Variants in PTPRM observed in about 807,000 individuals in gnomAD.
PTPRM encodes receptor-type tyrosine-protein phosphatase mu.
Under a neutral mutation model 186.7 loss-of-function variants are expected in PTPRM, and 47 were observed. That is an observed-to-expected ratio of 0.25 (90% CI 0.20 to 0.32). The LOEUF is 0.32. PTPRM is among the 10% of genes least tolerant of loss of function. The pLI is 1.00. For missense variants in PTPRM, 1,494 were observed against 1,865.0 expected (o/e 0.80, Z 3.66); for synonymous variants, 668 against 674.9 (o/e 0.99, Z 0.16).
chr18:7,594,453 C>G (rs2037203731), intron 1 of PTPRM, among the ~76,000 whole-genome samples: 1 of 151,802 alleles, frequency 6.6e-6, no homozygotes, highest in Admixed American at 6.6e-5. Flanking sequence ...GCACTCTAGC[C>G]CAGGCGACAG....
intron 3 of PTPRM, among the ~76,000 whole-genome samples, chr18:7,905,063 G>A (rs1009818658): frequency 3.3e-5 from 5 of 151,648 alleles, no homozygotes; most frequent in Admixed American, 6.6e-5. Flanking sequence ...GCACAATCTC[G>A]GCTCACTGCA....
At chr18:8,405,515 G>C (rs1598642420) in intron 32 of PTPRM, among the ~76,000 whole-genome samples, 1 of 152,342 alleles carries the variant, frequency 6.6e-6, no homozygotes, top group Middle Eastern at 3.4e-3. Context: ...CGTCCCCTGA[G>C]CATAGGGACC....
chr18:7,845,359 C>T (rs1213077266), intron 2 of PTPRM, among the ~76,000 whole-genome samples: 1 of 152,140 alleles, frequency 6.6e-6, no homozygotes, highest in African/African-American at 2.4e-5. Flanking sequence ...TCATGAAAAC[C>T]TGACAAATGT....
At chr18:8,401,276 G>C (rs2095870858) in intron 32 of PTPRM, among the ~76,000 whole-genome samples, 2 of 152,200 alleles carry the variant, frequency 1.3e-5, no homozygotes, top group Non-Finnish European at 2.9e-5. Flanking sequence ...TTTGCAGGGG[G>C]CTTTGGTGAA....
intron 14 of PTPRM, among the ~76,000 whole-genome samples, chr18:8,230,987 C>G (rs1462310754): frequency 1.3e-5 from 2 of 152,122 alleles, no homozygotes; most frequent in African/African-American, 4.8e-5. Context: ...CTACTGCAGC[C>G]CTTAATTAAG....
intron 1 of PTPRM, among the ~76,000 whole-genome samples, chr18:7,672,962 A>G (rs1338766854): frequency 3.3e-5 from 5 of 152,180 alleles, no homozygotes; most frequent in African/African-American, 4.8e-5. Context: ...GCTTCCTGAG[A>G]GTGGGAGACT....
At chr18:8,300,822 C>T (rs2095149072) in intron 20 of PTPRM, among the ~76,000 whole-genome samples, 2 of 152,154 alleles carry the variant, frequency 1.3e-5, no homozygotes, top group South Asian at 4.1e-4. Flanking sequence ...TGTCCAGCCT[C>T]CTAATCTTCC....
Position 7,845,486 on chromosome 18 carries a change from G to A in PTPRM, c.197-42620G>A, listed in dbSNP as rs546049270. Among the ~76,000 whole-genome samples the A allele has an allele frequency of 2.6e-5, 4 of 152,204 alleles. No homozygotes were observed. The South Asian group carries it at 6.2e-4, about 24-fold the overall frequency. ...AAAAGCATCTCACTCTTTCATGACC[G>A]CAAAGTTCCTGCAGGATTTTCTTAT... On this transcript the variant is annotated intron_variant, in intron 2 of 32. Coordinates refer to ENST00000580170, the MANE Select transcript of PTPRM (RefSeq NM_001105244.2).
At chr18:8,390,866 T>TG in intron 31 of PTPRM, among the ~76,000 whole-genome samples, 1 of 151,912 alleles carries the variant, frequency 6.6e-6, no homozygotes, top group South Asian at 2.1e-4. Flanking sequence ...AGGCGGAGCT[T>TG]GCAGTGAGTC....
intron 1 of PTPRM, among the ~76,000 whole-genome samples, chr18:7,739,577 A>G (rs1443579819): frequency 2.6e-5 from 4 of 152,190 alleles, no homozygotes; most frequent in Non-Finnish European, 4.4e-5. Context: ...TTGCTTTCCC[A>G]TTCTTCAACT....
chr18:7,927,376 T>C (rs1474979714), intron 5 of PTPRM, among the ~76,000 whole-genome samples: 3 of 152,182 alleles, frequency 2.0e-5, no homozygotes, highest in Non-Finnish European at 4.4e-5. Flanking sequence ...GTTGCATTCT[T>C]GTTTCTTTCT....
chr18:7,666,179 G>A (rs561071152), intron 1 of PTPRM, among the ~76,000 whole-genome samples: 2 of 152,184 alleles, frequency 1.3e-5, no homozygotes, highest in Admixed American at 6.5e-5. Flanking sequence ...TCCTCCTTCC[G>A]TGAAGATTTT....
intron 14 of PTPRM, among the ~76,000 whole-genome samples, chr18:8,194,680 C>T (rs1475377561): frequency 1.3e-5 from 2 of 152,212 alleles, no homozygotes; most frequent in East Asian, 1.9e-4. Flanking sequence ...ATAGCACAGC[C>T]GTGGCTGTAT....
At chr18:8,029,689 C>T (rs1263672821) in intron 7 of PTPRM, among the ~76,000 whole-genome samples, 2 of 152,220 alleles carry the variant, frequency 1.3e-5, no homozygotes, top group African/African-American at 2.4e-5. Flanking sequence ...GTCTTCCCCA[C>T]CAATGTGAGC....
chr18:8,246,834 C>T (rs866753791), intron 15 of PTPRM, among the ~76,000 whole-genome samples: 46 of 152,170 alleles, frequency 3.0e-4, no homozygotes, highest in African/African-American at 8.2e-4. Context: ...CTCTCCTAAA[C>T]GGACTGCTCC....
intron 1 of PTPRM, among the ~76,000 whole-genome samples, chr18:7,697,135 C>T (rs1015341045): frequency 1.3e-5 from 2 of 152,202 alleles, no homozygotes; most frequent in South Asian, 4.1e-4. Context: ...TATTGAATGT[C>T]GGGGTGTGTT....
At position 8,124,715 on chromosome 18, in the gene PTPRM, G is replaced by A. The variant is rs62089557; in HGVS notation, c.2167+9888G>A. Reference sequence around the variant, plus strand: ...CACTGTGGTAAACAGCCTAGGAAGTGGTCGGTGTGACAGCTCTGAACATTT... The same window carrying A: ...CACTGTGGTAAACAGCCTAGGAAGTAGTCGGTGTGACAGCTCTGAACATTT... On this transcript the variant is annotated intron_variant, in intron 13 of 32. Transcript: ENST00000580170. 9.0e-3 allele frequency among the ~76,000 whole-genome samples: 1,377 copies of A among 152,244 alleles called. 12 individuals are homozygous for A. The highest frequency in any genetic ancestry group is 0.014 in the Non-Finnish European group (965 of 68,026).
chr18:8,193,943 G>A (rs181260677), intron 14 of PTPRM, among the ~76,000 whole-genome samples: 62 of 152,292 alleles, frequency 4.1e-4, no homozygotes, highest in African/African-American at 1.1e-3. Flanking sequence ...ATTAAGAAAC[G>A]CACCAGACCA....
chr18:8,179,712 C>A (rs984105151), intron 14 of PTPRM, among the ~76,000 whole-genome samples: 5 of 152,130 alleles, frequency 3.3e-5, no homozygotes, highest in African/African-American at 1.2e-4. Flanking sequence ...TCGTGATCTT[C>A]CCGCCTCAGC....
Sources: allele counts gnomAD v4.1 joint callset (sites outside exome capture counted in the v4.1 genomes callset), GRCh38; gene constraint gnomAD v4.1.1; transcripts MANE v1.5; gene names NCBI Gene and HGNC (gene_info 2026-07-23, HGNC 2026-07-21).